The following ZNF362 variants were observed in gnomAD, a reference collection of about 807,000 sequenced individuals.
The protein encoded by ZNF362 is zinc finger protein 362.
Under a neutral mutation model 42.9 loss-of-function variants are expected in ZNF362, and 11 were observed. The observed-to-expected ratio is 0.26, with a 90% CI of 0.16 to 0.42. ZNF362 has a LOEUF of 0.42. Among genes scored for constraint, ZNF362 ranks in the 20% least tolerant of loss-of-function variants. The pLI, the probability that ZNF362 is intolerant of heterozygous loss-of-function variation, is 1.00. For missense variants in ZNF362, 362 were observed against 576.2 expected (o/e 0.63, Z 3.81); for synonymous variants, 255 against 257.3 (o/e 0.99, Z 0.09).
chr1:33,153,287 C>T, the ZNF362 span, among the ~76,000 whole-genome samples: 4 of 152,230 alleles, frequency 2.6e-5, no homozygotes, highest in Non-Finnish European at 5.9e-5. Flanking sequence ...GCCAACCAGG[C>T]TGCTGCTCTC....
chr1:33,213,672 C>T, the ZNF362 span, among the ~76,000 whole-genome samples: 1 of 151,950 alleles, frequency 6.6e-6, no homozygotes, highest in African/African-American at 2.4e-5. Flanking sequence ...TGGTGAAACC[C>T]CATCTCTACT....
the ZNF362 span, among the ~76,000 whole-genome samples, chr1:33,178,459 A>G: frequency 6.6e-6 from 1 of 152,204 alleles, no homozygotes; most frequent in Non-Finnish European, 1.5e-5. Flanking sequence ...ACACTAAAGC[A>G]AGGCCTCCTT....
chr1:33,137,043 G>C, the ZNF362 span, among the ~76,000 whole-genome samples: 16 of 151,938 alleles, frequency 1.1e-4, no homozygotes, highest in African/African-American at 3.4e-4. Flanking sequence ...TGTTGGGAGT[G>C]GGGGAGTGAC....
the ZNF362 span, among the ~76,000 whole-genome samples, chr1:33,198,125 G>GC: frequency 1.3e-5 from 2 of 152,036 alleles, no homozygotes; most frequent in African/African-American, 4.8e-5. Flanking sequence ...ATTATCCAGA[G>GC]CCCCCCAAAA....
the ZNF362 span, among the ~76,000 whole-genome samples, chr1:33,175,779 T>A: frequency 1.3e-5 from 2 of 152,048 alleles, no homozygotes; most frequent in African/African-American, 2.4e-5. Context: ...CTTGTGAGAA[T>A]CAAATGCCTA....
the ZNF362 span, among the ~76,000 whole-genome samples, chr1:33,226,862 C>G: frequency 3.3e-5 from 5 of 152,106 alleles, no homozygotes; most frequent in African/African-American, 1.2e-4. Context: ...GAGACTCTGT[C>G]TCAAAAACAA....
At chr1:33,245,720 T>C in the ZNF362 span, among the ~76,000 whole-genome samples, 1 of 152,172 alleles carries the variant, frequency 6.6e-6, no homozygotes, top group African/African-American at 2.4e-5. Context: ...GGAAGATCGC[T>C]TGAGGCCAGG....
the ZNF362 span, among the ~76,000 whole-genome samples, chr1:33,245,070 C>A: frequency 6.6e-6 from 1 of 152,094 alleles, no homozygotes; most frequent in Non-Finnish European, 1.5e-5. Context: ...GATGAATGAA[C>A]CAGGTGTCAG....
chr1:33,148,204 A>G, the ZNF362 span, among the ~76,000 whole-genome samples: 1 of 152,190 alleles, frequency 6.6e-6, no homozygotes, highest in Non-Finnish European at 1.5e-5. Flanking sequence ...AGTTCTGCAA[A>G]GGGAAGTTCT....
In ZNF362 at chr1:33,294,922, G is replaced by A; in HGVS notation, c.909-15G>A. 6.2e-7 allele frequency: 1 copy of A among 1,613,956 alleles called. No homozygotes were observed. Among genetic ancestry groups the A allele is most frequent in the Non-Finnish European group, 8.5e-7 (1 of 1,179,930 alleles). ...TGTGTCAGGGACTTCGACCTTACTG[G>A]GCTGCCCATTACAGAATCCACACAG... On this transcript the variant is annotated splice_polypyrimidine_tract_variant and intron_variant, in intron 6 of 8. Transcript: ENST00000539719. The surrounding 1 kb of genome is among the most constrained non-coding windows in gnomAD (Gnocchi z 4.2).
chr1:33,154,925 C>G, the ZNF362 span, among the ~76,000 whole-genome samples: 1 of 151,606 alleles, frequency 6.6e-6, no homozygotes, highest in Admixed American at 6.6e-5. Flanking sequence ...AACCCCGTCT[C>G]TACTAAAAAT....
chr1:33,292,818 G>A (rs1212790269), intron 6 of ZNF362, among the ~76,000 whole-genome samples: 1 of 152,224 alleles, frequency 6.6e-6, no homozygotes, highest in African/African-American at 2.4e-5. Context: ...AGGATGGGAT[G>A]AAGTGAAGAG....
the ZNF362 span, among the ~76,000 whole-genome samples, chr1:33,175,158 C>A: frequency 1.3e-5 from 2 of 151,764 alleles, no homozygotes; most frequent in Non-Finnish European, 2.9e-5. Context: ...CGTGCCTCAG[C>A]CTCCCGAGTA....
In ZNF362 at chr1:33,294,733, C is replaced by T. The variant is rs1485997660; in HGVS notation, c.909-204C>T. ...CCTGTGGGAAGTAGGAGGCTCTGGT[C>T]AGACTGGCAGTGGAGGCCAGAGAAG... On this transcript the variant is annotated intron_variant, in intron 6 of 8. Transcript: ENST00000539719. The surrounding 1 kb of genome is among the most constrained non-coding windows in gnomAD (Gnocchi z 4.2). 2.0e-5 allele frequency among the ~76,000 whole-genome samples: 3 copies of T among 152,048 alleles called. No individual in the cohort carries two copies. Among genetic ancestry groups the T allele is most frequent in the Non-Finnish European group, 1.5e-5 (1 of 68,022 alleles).
At chr1:33,154,937 C>T in the ZNF362 span, among the ~76,000 whole-genome samples, 1 of 150,554 alleles carries the variant, frequency 6.6e-6, no homozygotes, top group African/African-American at 2.4e-5. Flanking sequence ...ACTAAAAATA[C>T]AAAAAATTAG....
chr1:33,199,377 A>C, the ZNF362 span, among the ~76,000 whole-genome samples: 1 of 152,198 alleles, frequency 6.6e-6, no homozygotes, highest in African/African-American at 2.4e-5. Context: ...AACATCTTTA[A>C]AGTACTGAAA....
At chr1:33,189,791 T>G in the ZNF362 span, among the ~76,000 whole-genome samples, 6 of 149,642 alleles carry the variant, frequency 4.0e-5, no homozygotes, top group Admixed American at 6.7e-5. Context: ...CTCACCAGTT[T>G]CTTTACAGAT....
At chr1:33,159,566 T>C in the ZNF362 span, 7 of 1,368,046 alleles carry the variant, frequency 5.1e-6, no homozygotes, top group Non-Finnish European at 6.8e-6. This position sits in a 1 kb window ranked among gnomAD's most constrained non-coding sequence, Gnocchi z 4.2. Flanking sequence ...CCGTAAATGT[T>C]TGATGAAGAT....
At position 33,266,146 on chromosome 1, in the gene ZNF362, C is replaced by T. The variant is rs1645863361; in HGVS notation, c.-88-4341C>T. Among the ~76,000 whole-genome samples the T allele has an allele frequency of 6.6e-6, 1 of 152,232 alleles. No homozygotes were observed. The highest frequency in any genetic ancestry group is 1.5e-5 in the Non-Finnish European group (1 of 68,040). Reference sequence around the variant, plus strand: ...CTGACTGCAGCAGTAGCTGTTGCCCCTCTCTGGGGGCAGGGATTATGTTTG... The same window carrying T: ...CTGACTGCAGCAGTAGCTGTTGCCCTTCTCTGGGGGCAGGGATTATGTTTG... On this transcript the variant is annotated intron_variant, in intron 1 of 8. Coordinates refer to ENST00000539719, the MANE Select transcript of ZNF362 (RefSeq NM_152493.3). This position sits in a 1 kb window ranked among gnomAD's most constrained non-coding sequence, Gnocchi z 4.3.
Sources: gnomAD v4.1 joint callset for allele counts (sites outside exome capture counted in the v4.1 genomes callset) on GRCh38, gnomAD v4.1.1 for gene constraint, Gnocchi (gnomAD v3.1) non-coding constraint, MANE v1.5 for transcripts, NCBI Gene and HGNC (gene_info 2026-07-23, HGNC 2026-07-21) for gene names.